EVI5: variants seen among roughly 807,000 people sequenced by gnomAD.
The protein encoded by EVI5 is ecotropic viral integration site 5 protein homolog.
In EVI5, 73 loss-of-function variants were observed where a neutral mutation model predicts 112.0. The observed-to-expected ratio is 0.65, with a 90% CI of 0.54 to 0.79. The LOEUF (loss-of-function observed/expected upper bound fraction) is 0.79, where lower values mean the gene tolerates loss of function less well. EVI5 is among the 30% of genes least tolerant of loss of function. EVI5 has a pLI of 0.00. For missense variants in EVI5, 900 were observed against 968.8 expected, an observed-to-expected ratio of 0.93 and a Z score of 0.94; for synonymous variants, 305 against 319.9, an observed-to-expected ratio of 0.95 and a Z score of 0.50.
intron 2 of EVI5, among the ~76,000 whole-genome samples, chr1:92,707,581 G>C (rs1468512129): frequency 6.6e-6 from 1 of 152,160 alleles, no homozygotes; most frequent in Non-Finnish European, 1.5e-5. Context: ...GTCATCAATG[G>C]AAATGCAAGT....
At chr1:92,577,563 G>T (rs1344443113) in intron 18 of EVI5, among the ~76,000 whole-genome samples, 1 of 152,170 alleles carries the variant, frequency 6.6e-6, no homozygotes, top group Non-Finnish European at 1.5e-5. Flanking sequence ...TCTTCAAACT[G>T]TTGGGATCAC....
chr1:92,758,037 C>T (rs528757093), intron 1 of EVI5, among the ~76,000 whole-genome samples: 13 of 151,908 alleles, frequency 8.6e-5, no homozygotes, highest in African/African-American at 3.1e-4. Flanking sequence ...TGTGATGCAG[C>T]CATTAAAAAT....
intron 14 of EVI5, among the ~76,000 whole-genome samples, chr1:92,632,485 C>G (rs1427543458): frequency 6.6e-6 from 1 of 152,182 alleles, no homozygotes; most frequent in African/African-American, 2.4e-5. Flanking sequence ...ATAGTATGCT[C>G]TGATGGTAGT....
intron 2 of EVI5, among the ~76,000 whole-genome samples, chr1:92,712,553 T>C (rs1673006844): frequency 6.6e-6 from 1 of 152,166 alleles, no homozygotes; most frequent in Admixed American, 6.5e-5. Flanking sequence ...TAATAAATTG[T>C]TTAATTAATT....
intron 19 of EVI5, among the ~76,000 whole-genome samples, chr1:92,528,224 T>C (rs1467799323): frequency 6.6e-6 from 1 of 152,200 alleles, no homozygotes; most frequent in Non-Finnish European, 1.5e-5. Context: ...ATAGGAAGTC[T>C]TGCACATTGC....
chr1:92,784,994 C>T lies in EVI5; in HGVS notation c.-240G>A, dbSNP rs943362779. ...CGCTCACTCAGAAGCTCAGGGCCGC[C>T]TCGCGACCCTCACCTACCCCTCCCG... On this transcript the variant is annotated 5_prime_UTR_variant, in exon 1 of 20. Transcript: ENST00000684568. 4.1e-6 allele frequency: 4 copies of T among 985,398 alleles called. No individual in the cohort carries two copies. Among genetic ancestry groups the T allele is most frequent in the Non-Finnish European group, 3.6e-6 (3 of 830,036 alleles). The allele number at this position is 985,398 out of a possible 1,614,324, so 61.0% of individuals were successfully genotyped here. A position where few individuals can be genotyped will look rare whatever the true frequency, so the allele number is the denominator to read the frequency against.
chr1:92,548,478 G>A (rs1406106516), intron 19 of EVI5, among the ~76,000 whole-genome samples: 2 of 152,180 alleles, frequency 1.3e-5, no homozygotes, highest in African/African-American at 4.8e-5. Flanking sequence ...TCAACATAGT[G>A]CTGGAAGTTC....
chr1:92,748,690 G>C (rs1350641691), intron 1 of EVI5, among the ~76,000 whole-genome samples: 1 of 150,284 alleles, frequency 6.7e-6, no homozygotes. Context: ...TGGGGAGACA[G>C]AGGCTTCAAA....
At chr1:92,626,950 A>G (rs1182639251) in intron 14 of EVI5, among the ~76,000 whole-genome samples, 2 of 152,236 alleles carry the variant, frequency 1.3e-5, no homozygotes, top group Admixed American at 1.3e-4. Flanking sequence ...AATACAAATT[A>G]AACAATTTAC....
chr1:92,624,472 A>C, intron 15 of EVI5, 138 bp from the exon 16 acceptor site: 1 of 687,884 alleles, frequency 1.5e-6, no homozygotes, highest in Non-Finnish European at 2.5e-6. Flanking sequence ...AGAAAATCCT[A>C]TTAATCAGGC....
intron 1 of EVI5, among the ~76,000 whole-genome samples, chr1:92,762,066 C>T (rs1445379390): frequency 6.6e-6 from 1 of 151,952 alleles, no homozygotes; most frequent in Non-Finnish European, 1.5e-5. Flanking sequence ...TGCAAAGATA[C>T]ACAGAGCACT....
Position 92,614,891 on chromosome 1 carries a change from A to G in EVI5, c.1828-7164T>C, listed in dbSNP as rs1020047913. 2.5e-4 allele frequency among the ~76,000 whole-genome samples: 34 copies of G among 135,598 alleles called. 1 individual carries two copies. In the Admixed American group the frequency reaches 2.6e-3, roughly 10 times the overall value. The allele number at this position is 135,598 out of a possible 152,430, so 89.0% of individuals were successfully genotyped here. ...ATATATATATATATATATATCTCCTATTATTCCTATATATATCCTATTAGT... is the reference window on the plus strand; with the variant it reads ...ATATATATATATATATATATCTCCTGTTATTCCTATATATATCCTATTAGT... On this transcript the variant is annotated intron_variant, in intron 16 of 19. Transcript: ENST00000684568.
At chr1:92,608,795 T>C (rs1040475971) in intron 16 of EVI5, among the ~76,000 whole-genome samples, 1 of 152,182 alleles carries the variant, frequency 6.6e-6, no homozygotes, top group Non-Finnish European at 1.5e-5. Context: ...TGTGTATTTC[T>C]ACATGCTCTC....
At chr1:92,601,302 T>C (rs911600246) in intron 18 of EVI5, among the ~76,000 whole-genome samples, 31 of 152,222 alleles carry the variant, frequency 2.0e-4, no homozygotes, top group Non-Finnish European at 3.2e-4. Flanking sequence ...TGGGTAGAAA[T>C]GTAAATCCTC....
At chr1:92,689,959 A>T (rs1251915225) in intron 9 of EVI5, among the ~76,000 whole-genome samples, 1 of 152,196 alleles carries the variant, frequency 6.6e-6, no homozygotes, top group Non-Finnish European at 1.5e-5. Context: ...CTGTGATCAC[A>T]GCTCACTGCA....
intron 19 of EVI5, among the ~76,000 whole-genome samples, chr1:92,523,931 T>C (rs1311820466): frequency 1.3e-5 from 2 of 151,756 alleles, no homozygotes; most frequent in African/African-American, 4.8e-5. Context: ...ACTAAAAATA[T>C]AAAAATTAGC....
At chr1:92,654,563 AAAGAT>A (rs1332888218) in intron 13 of EVI5, among the ~76,000 whole-genome samples, 5 of 152,238 alleles carry the variant, frequency 3.3e-5, no homozygotes, top group Non-Finnish European at 5.9e-5. Context: ...AATAAGAAGA[AAAGAT>A]AAGTTTCTCC....
rs961100096 is a variant in EVI5, at chr1:92,510,414, C to A, written c.*3242G>T. On this transcript the variant is annotated 3_prime_UTR_variant, in exon 20 of 20. Coordinates refer to ENST00000684568, the MANE Select transcript of EVI5 (RefSeq NM_001350197.2). Reference sequence around the variant, plus strand: ...CAGTTTTCTATGGAATAAGAGACTTCATCATATAAAATGGCTGGCATGTTT... The same window carrying A: ...CAGTTTTCTATGGAATAAGAGACTTAATCATATAAAATGGCTGGCATGTTT... 2 of 152,188 alleles carry A rather than the reference C, an allele frequency of 1.3e-5. No individual in the cohort carries two copies. Among genetic ancestry groups the A allele is most frequent in the Non-Finnish European group, 2.9e-5 (2 of 68,032 alleles). 9.4% of individuals were successfully genotyped at this position (152,188 alleles called of 1,614,324 possible). A position where few individuals can be genotyped will look rare whatever the true frequency, so the allele number is the denominator to read the frequency against.
intron 9 of EVI5, among the ~76,000 whole-genome samples, chr1:92,683,107 A>G (rs1253646466): frequency 3.3e-5 from 5 of 152,230 alleles, no homozygotes; most frequent in Admixed American, 2.0e-4. Context: ...TCCTGTCATT[A>G]AAGTGTTGCC....
Sources: gnomAD v4.1 joint callset for allele counts (sites outside exome capture counted in the v4.1 genomes callset) on GRCh38, gnomAD v4.1.1 for gene constraint, MANE v1.5 for transcripts, NCBI Gene and HGNC (gene_info 2026-07-23, HGNC 2026-07-21) for gene names.